Variants in ARID2 observed in about 807,000 individuals in gnomAD.
ARID2 encodes the protein AT-rich interactive domain-containing protein 2.
In ARID2, 32 loss-of-function variants were observed where a neutral mutation model predicts 184.6. The observed-to-expected ratio is 0.17, with a 90% confidence interval of 0.13 to 0.23. The LOEUF (loss-of-function observed/expected upper bound fraction) is 0.23, where lower values mean the gene tolerates loss of function less well. Among genes scored for constraint, ARID2 ranks in the 10% least tolerant of loss-of-function variants. ARID2 has a pLI of 1.00. For missense variants in ARID2, 1,696 were observed against 2,197.6 expected (o/e 0.77, Z 4.56); for synonymous variants, 836 against 772.6 (o/e 1.08, Z -1.36).
At chr12:45,763,832 A>G (rs965796215) in intron 3 of ARID2, among the ~76,000 whole-genome samples, 4 of 151,978 alleles carry the variant, frequency 2.6e-5, no homozygotes, top group Non-Finnish European at 4.4e-5. Context: ...AGAATTTGCA[A>G]TTTTTATATC....
At chr12:45,772,356 G>A (rs1411764552) in intron 3 of ARID2, among the ~76,000 whole-genome samples, 7 of 152,184 alleles carry the variant, frequency 4.6e-5, no homozygotes, top group Non-Finnish European at 2.9e-5. Context: ...TCAGGAGGCT[G>A]AGATGGGAGG....
At chr12:45,745,594 C>G (rs182466503) in intron 3 of ARID2, among the ~76,000 whole-genome samples, 2 of 152,302 alleles carry the variant, frequency 1.3e-5, no homozygotes, top group East Asian at 3.9e-4. Context: ...GTCACCCAGG[C>G]TAGAATGCAG....
intron 15 of ARID2, among the ~76,000 whole-genome samples, chr12:45,854,867 C>T (rs758957402): frequency 1.3e-5 from 2 of 152,168 alleles, no homozygotes; most frequent in Non-Finnish European, 2.9e-5. Context: ...CTCACACAAC[C>T]TTATTAGGTA....
chr12:45,737,187 G>GGA (rs1941145369), intron 3 of ARID2, among the ~76,000 whole-genome samples: 1 of 152,120 alleles, frequency 6.6e-6, no homozygotes, highest in African/African-American at 2.4e-5. Context: ...TCCAGGAATA[G>GGA]CTATCACATT....
At chr12:45,747,406 A>G (rs1439630402) in intron 3 of ARID2, among the ~76,000 whole-genome samples, 1 of 152,076 alleles carries the variant, frequency 6.6e-6, no homozygotes, top group Admixed American at 6.6e-5. Flanking sequence ...GCAGAATTAG[A>G]GTTTAGTTTT....
intron 6 of ARID2, among the ~76,000 whole-genome samples, chr12:45,833,751 T>C (rs1261378721): frequency 6.6e-6 from 1 of 152,210 alleles, no homozygotes; most frequent in Non-Finnish European, 1.5e-5. Context: ...TAGGTGTATA[T>C]GAGTTTTCTC....
At chr12:45,778,728 C>A (rs1297864834) in intron 3 of ARID2, among the ~76,000 whole-genome samples, 11 of 151,702 alleles carry the variant, frequency 7.3e-5, no homozygotes. Flanking sequence ...AATTATACTT[C>A]AAAAATCATA....
At chr12:45,747,048 C>T (rs988947485) in intron 3 of ARID2, among the ~76,000 whole-genome samples, 6 of 152,182 alleles carry the variant, frequency 3.9e-5, no homozygotes, top group African/African-American at 1.2e-4. Context: ...GGATTACAGG[C>T]GTGAGCCACC....
chr12:45,845,813 T>A (rs1328378658), intron 11 of ARID2, among the ~76,000 whole-genome samples: 1 of 152,134 alleles, frequency 6.6e-6, no homozygotes, highest in Non-Finnish European at 1.5e-5. Flanking sequence ...CTGAAAAAAA[T>A]TGTGTATAAT....
rs552832083 is a variant in ARID2 at position 45,849,686 on chromosome 12, A to G, written c.1822A>G (p.Ile608Val). 2.5e-6 allele frequency: 4 copies of G among 1,613,966 alleles called. No homozygotes were observed. The South Asian group carries it at 3.3e-5, about 13-fold the overall frequency. ...AAAACGGAGGGCTATACCACTTCCC[A>G]TTCAGATGTACTATCAGCAGCAACC... ...GVKRRAIPLPIQMYYQQQPVS... is the reference protein window; with the variant it reads ...GVKRRAIPLPVQMYYQQQPVS... The change falls in exon 14 of 21, where the codon ATT (isoleucine) becomes GTT (valine). Residue 608 changes from isoleucine (I) to valine (V), a missense_variant. This residue lies in a region of ARID2 where 713 missense variants were observed against 824.4 expected (regional missense o/e 0.86). Coordinates refer to ENST00000334344, the MANE Select transcript of ARID2 (RefSeq NM_152641.4).
chr12:45,876,765 T>TA (rs1944016236), intron 16 of ARID2, among the ~76,000 whole-genome samples: 1 of 150,284 alleles, frequency 6.7e-6, no homozygotes, highest in East Asian at 2.0e-4. Flanking sequence ...TAGTCTTGCT[T>TA]GTCACAGGGT....
At chr12:45,789,073 G>A (rs1262474123) in intron 3 of ARID2, 1 of 152,032 alleles carries the variant, frequency 6.6e-6, no homozygotes, top group Admixed American at 6.6e-5. Flanking sequence ...CTTTTATAAG[G>A]GTCAAAATAG....
intron 3 of ARID2, among the ~76,000 whole-genome samples, chr12:45,744,386 T>C (rs1352308880): frequency 6.6e-6 from 1 of 151,420 alleles, no homozygotes; most frequent in South Asian, 2.1e-4. Flanking sequence ...GTTTAGTATC[T>C]TTTTTTTAAT....
chr12:45,893,604 AT>A (rs1380264987), intron 19 of ARID2, 25 bp from the exon 20 acceptor site: 2 of 1,602,572 alleles, frequency 1.2e-6, no homozygotes, highest in African/African-American at 2.7e-5. Context: ...TTAGATCTTT[AT>A]TCTTTTTTTT....
At position 45,891,762 on chromosome 12, in the gene ARID2, T is replaced by G. The variant is rs756586153; in HGVS notation, c.4923-18T>G. On this transcript the variant is annotated intron_variant, in intron 16 of 20. Transcript: ENST00000334344. ...TACTTGAATACATCCAAGTGTCTACTACTTTTATTTTTTATAGGTGGTTTC... is the reference window on the plus strand; with the variant it reads ...TACTTGAATACATCCAAGTGTCTACGACTTTTATTTTTTATAGGTGGTTTC... 1 of 1,608,642 alleles carries G rather than the reference T, an allele frequency of 6.2e-7. No individual in the cohort carries two copies. Among genetic ancestry groups the G allele is most frequent in the Non-Finnish European group, 8.5e-7 (1 of 1,178,636 alleles).
intron 3 of ARID2, among the ~76,000 whole-genome samples, chr12:45,767,382 G>GT (rs977431725): frequency 4.6e-4 from 69 of 150,624 alleles, no homozygotes; most frequent in African/African-American, 1.5e-3. Context: ...TTATAAAGTT[G>GT]TTTTTTTTCA....
At chr12:45,758,366 T>G (rs535240650) in intron 3 of ARID2, among the ~76,000 whole-genome samples, 2 of 152,228 alleles carry the variant, frequency 1.3e-5, no homozygotes, top group East Asian at 1.9e-4. Context: ...ACATTTTTTT[T>G]TGTGCGATCG....
chr12:45,827,924 G>T (rs544117043), intron 6 of ARID2, among the ~76,000 whole-genome samples: 1 of 152,032 alleles, frequency 6.6e-6, no homozygotes, highest in South Asian at 2.1e-4. Flanking sequence ...CAAAAGATAT[G>T]TTAATCGTAT....
At chr12:45,784,838 T>C (rs953927221) in intron 3 of ARID2, among the ~76,000 whole-genome samples, 28 of 152,366 alleles carry the variant, frequency 1.8e-4, no homozygotes, top group Non-Finnish European at 3.4e-4. Flanking sequence ...TGCCTTTCTA[T>C]AGAGAGTCAG....
Sources: gnomAD v4.1 joint callset for allele counts (sites outside exome capture counted in the v4.1 genomes callset) on GRCh38, gnomAD v4.1.1 for gene constraint, gnomAD v4.1.1 regional missense constraint, MANE v1.5 for transcripts, NCBI Gene and HGNC (gene_info 2026-07-23, HGNC 2026-07-21) for gene names.